The following AKAP19 variants were observed in gnomAD, a reference collection of about 807,000 sequenced individuals.
AKAP19 encodes the protein small A-kinase anchoring protein.
chr2:190,054,760 A>C, the AKAP19 span, among the ~76,000 whole-genome samples: 2,841 of 152,300 alleles, frequency 0.019, 57 homozygotes, highest in African/African-American at 0.046. Context: ...GAGAAATGCA[A>C]ATCAAAACCA....
At chr2:190,084,669 AT>A in the AKAP19 span, among the ~76,000 whole-genome samples, 1 of 152,292 alleles carries the variant, frequency 6.6e-6, no homozygotes, top group Admixed American at 6.5e-5. Flanking sequence ...CTTGTCGACT[AT>A]TTTTAAGGTG....
the AKAP19 span, among the ~76,000 whole-genome samples, chr2:189,972,826 T>G: frequency 3.9e-5 from 6 of 152,368 alleles, no homozygotes; most frequent in African/African-American, 1.4e-4. Flanking sequence ...TTTTGCACAT[T>G]GATTTTGTAT....
chr2:190,011,214 C>T, the AKAP19 span, among the ~76,000 whole-genome samples: 1 of 151,950 alleles, frequency 6.6e-6, no homozygotes, highest in East Asian at 1.9e-4. Flanking sequence ...CCTACCAACA[C>T]ATCCAGCTAA....
chr2:189,916,043 G>A, the AKAP19 span, among the ~76,000 whole-genome samples: 1 of 151,864 alleles, frequency 6.6e-6, no homozygotes, highest in Admixed American at 6.6e-5. Context: ...GCTTTCCCAG[G>A]CAGATATAAT....
the AKAP19 span, among the ~76,000 whole-genome samples, chr2:190,009,817 T>C: frequency 6.6e-6 from 1 of 151,452 alleles, no homozygotes; most frequent in African/African-American, 2.4e-5. Flanking sequence ...TACACCAACA[T>C]TAAGAGGATG....
the AKAP19 span, among the ~76,000 whole-genome samples, chr2:190,128,297 C>A: frequency 1.3e-5 from 2 of 152,120 alleles, no homozygotes; most frequent in African/African-American, 4.8e-5. Flanking sequence ...ATCTAAAGAA[C>A]CTAAAAATGC....
At chr2:190,189,945 G>A in the AKAP19 span, 1 of 152,370 alleles carries the variant, frequency 6.6e-6, no homozygotes, top group Middle Eastern at 3.4e-3. Flanking sequence ...GCCTCACACT[G>A]GAGTCCTCCA....
chr2:190,158,317 C>T, the AKAP19 span, among the ~76,000 whole-genome samples: 1 of 152,138 alleles, frequency 6.6e-6, no homozygotes, highest in Admixed American at 6.5e-5. Flanking sequence ...GCTTGTCCTG[C>T]TACAAAAGCA....
chr2:190,159,263 G>T, the AKAP19 span, among the ~76,000 whole-genome samples: 519 of 152,316 alleles, frequency 3.4e-3, 5 homozygotes, highest in African/African-American at 0.012. Flanking sequence ...TGTTATATGG[G>T]CATGGTGACA....
chr2:190,049,958 A>C, the AKAP19 span, among the ~76,000 whole-genome samples: 1 of 152,236 alleles, frequency 6.6e-6, no homozygotes, highest in Non-Finnish European at 1.5e-5. Context: ...CTAGTTTTAC[A>C]TAAATGTTTG....
the AKAP19 span, among the ~76,000 whole-genome samples, chr2:189,996,108 T>C: frequency 6.6e-6 from 1 of 152,216 alleles, no homozygotes; most frequent in South Asian, 2.1e-4. Context: ...TTCCGAGATG[T>C]TCTTTGAGCT....
At chr2:190,009,931 G>A in the AKAP19 span, among the ~76,000 whole-genome samples, 11 of 152,162 alleles carry the variant, frequency 7.2e-5, no homozygotes, top group African/African-American at 2.4e-4. Flanking sequence ...TCATGGATGA[G>A]GGAGTAACTT....
At chr2:190,167,880 T>C in the AKAP19 span, among the ~76,000 whole-genome samples, 1 of 152,202 alleles carries the variant, frequency 6.6e-6, no homozygotes, top group African/African-American at 2.4e-5. Context: ...TATGTGGCTT[T>C]TCCAGGTGCA....
the AKAP19 span, among the ~76,000 whole-genome samples, chr2:190,153,177 G>A: frequency 1.3e-5 from 2 of 152,312 alleles, no homozygotes; most frequent in African/African-American, 2.4e-5. Context: ...TTACAGGCAT[G>A]AGCCACCGTG....
chr2:190,199,859 A>G, the AKAP19 span: 1 of 1,613,252 alleles, frequency 6.2e-7, no homozygotes, highest in Non-Finnish European at 8.5e-7. Context: ...GCTCTTCATA[A>G]CATGGGCTGC....
the AKAP19 span, among the ~76,000 whole-genome samples, chr2:190,175,962 T>C: frequency 2.1e-4 from 32 of 152,290 alleles, no homozygotes; most frequent in African/African-American, 7.5e-4. Context: ...GGCATTTAGC[T>C]AGGGTTCCCC....
chr2:189,937,226 G>C, the AKAP19 span, among the ~76,000 whole-genome samples: 1 of 152,130 alleles, frequency 6.6e-6, no homozygotes, highest in Non-Finnish European at 1.5e-5. Context: ...TGAAGGGATG[G>C]ACTGACTACA....
At chr2:190,080,777 T>G in the AKAP19 span, among the ~76,000 whole-genome samples, 1 of 152,216 alleles carries the variant, frequency 6.6e-6, no homozygotes, top group Non-Finnish European at 1.5e-5. Flanking sequence ...TTTATAGATT[T>G]TGTTGTCAGA....
the AKAP19 span, among the ~76,000 whole-genome samples, chr2:190,155,214 G>C: frequency 1.1e-4 from 16 of 152,156 alleles, no homozygotes; most frequent in African/African-American, 3.9e-4. Flanking sequence ...CCAGACCCTT[G>C]CCCTTCATTC....
Sources: gnomAD v4.1 joint callset for allele counts (sites outside exome capture counted in the v4.1 genomes callset) on GRCh38, gnomAD v4.1.1 for gene constraint, MANE v1.5 for transcripts, NCBI Gene and HGNC (gene_info 2026-07-23, HGNC 2026-07-21) for gene names.